Variants in LMF1 observed in about 807,000 individuals in gnomAD.
LMF1 encodes the protein lipase maturation factor 1, also known as transmembrane protein 112.
In LMF1, 68 loss-of-function variants were observed where a neutral mutation model predicts 60.6. The observed-to-expected ratio is 1.12, with a 90% CI of 0.92 to 1.37. The LOEUF (loss-of-function observed/expected upper bound fraction) is 1.37, where lower values mean the gene tolerates loss of function less well. Among genes scored for constraint, LMF1 ranks in the 40% most tolerant of loss-of-function variants. The pLI, the probability that LMF1 is intolerant of heterozygous loss-of-function variation, is 0.00. For synonymous variants in LMF1, 418 were observed against 324.7 expected (o/e 1.29, Z -3.09); for missense variants, 948 against 767.2 (o/e 1.24, Z -2.78).
intron 3 of LMF1, among the ~76,000 whole-genome samples, chr16:918,612 G>A (rs1258636347): frequency 6.6e-6 from 1 of 152,182 alleles, no homozygotes; most frequent in Non-Finnish European, 1.5e-5. Context: ...AAAAGTGCTG[G>A]CCATCGTGGG....
intron 4 of LMF1, chr16:904,058 G>C (rs2070901400): frequency 5.6e-6 from 1 of 178,232 alleles, no homozygotes; most frequent in Non-Finnish European, 1.0e-5. Context: ...CTGCGTGGTG[G>C]TGACCTCTGC....
At chr16:977,209 C>T (rs193011343) in intron 1 of LMF1, 2 of 416,736 alleles carry the variant, frequency 4.8e-6, no homozygotes, top group East Asian at 7.1e-5. Context: ...GCCAACAGGC[C>T]AGCCTTGACC....
chr16:886,190 A>C (rs1378047354), intron 5 of LMF1, among the ~76,000 whole-genome samples: 1 of 152,180 alleles, frequency 6.6e-6, no homozygotes, highest in African/African-American at 2.4e-5. Context: ...GGATCACACA[A>C]GCCAGTAAGG....
chr16:914,090 C>T (rs1055443925), intron 3 of LMF1, among the ~76,000 whole-genome samples: 3 of 152,106 alleles, frequency 2.0e-5, no homozygotes, highest in Admixed American at 6.5e-5. Context: ...GCTACACGCA[C>T]GGTCTTCTGA....
At chr16:946,375 C>T (rs1597048449) in intron 2 of LMF1, among the ~76,000 whole-genome samples, 1 of 152,306 alleles carries the variant, frequency 6.6e-6, no homozygotes, top group East Asian at 1.9e-4. Flanking sequence ...CAGCTCCAAG[C>T]AGGAGTGGAA....
intron 3 of LMF1, among the ~76,000 whole-genome samples, chr16:922,781 C>T (rs1254814938): frequency 8.8e-6 from 1 of 113,310 alleles, no homozygotes; most frequent in Non-Finnish European, 1.7e-5. Context: ...GTGTGAAAGT[C>T]GCCTGGGTTT....
At chr16:948,326 A>C (rs544965377) in intron 2 of LMF1, among the ~76,000 whole-genome samples, 1 of 151,782 alleles carries the variant, frequency 6.6e-6, no homozygotes, top group Non-Finnish European at 1.5e-5. Flanking sequence ...ACAGAGTCAG[A>C]GACAACGACA....
At chr16:934,522 C>A in intron 2 of LMF1, 2 of 483,044 alleles carry the variant, frequency 4.1e-6, no homozygotes. Context: ...ATGTATTTTG[C>A]GAATGAGTGA....
At chr16:872,615 AGGGCT>A (rs1349620797) in intron 6 of LMF1, 2 of 152,256 alleles carry the variant, frequency 1.3e-5, no homozygotes, top group East Asian at 3.9e-4. Flanking sequence ...GAGTGTGACC[AGGGCT>A]GGTCTGGGGT....
At chr16:932,377 C>T (rs372578041) in intron 3 of LMF1, among the ~76,000 whole-genome samples, 5 of 152,212 alleles carry the variant, frequency 3.3e-5, no homozygotes, top group African/African-American at 7.2e-5. Flanking sequence ...GAGCCTGCCC[C>T]GGCCTGCCCG....
intron 2 of LMF1, among the ~76,000 whole-genome samples, chr16:937,649 T>C (rs2071983528): frequency 6.6e-6 from 1 of 152,232 alleles, no homozygotes; most frequent in Non-Finnish European, 1.5e-5. Flanking sequence ...TTGCACTGGA[T>C]GGGGGCTCCC....
intron 1 of LMF1, among the ~76,000 whole-genome samples, chr16:978,201 C>T (rs1466044551): frequency 6.6e-6 from 1 of 151,272 alleles, no homozygotes; most frequent in Non-Finnish European, 1.5e-5. Context: ...ACATACATCA[C>T]ACACATCATA....
rs529450806 is a variant in LMF1, at chr16:885,298, G to A, written c.730-5561C>T. On this transcript the variant is annotated intron_variant, in intron 5 of 10. Coordinates refer to ENST00000262301, the MANE Select transcript of LMF1 (RefSeq NM_022773.4). ...CACAAAAATATTCAATTAATCCAGA[G>A]GAAGGTGTAAAATAACAGCAACAAA... 5.3e-5 allele frequency among the ~76,000 whole-genome samples: 8 copies of A among 152,300 alleles called. No homozygotes were observed. In the South Asian group the frequency reaches 8.3e-4, roughly 16 times the overall value.
At chr16:864,762 TTACAGGCATGCACCACCA>T (rs1445993907) in intron 10 of LMF1, among the ~76,000 whole-genome samples, 1 of 151,692 alleles carries the variant, frequency 6.6e-6, no homozygotes, top group African/African-American at 2.4e-5. Flanking sequence ...GTAGCTGGGA[TTACAGGCATGCACCACCA>T]TGCCTGGCTA....
chr16:877,169 A>C (rs1201751362), intron 6 of LMF1, among the ~76,000 whole-genome samples: 1 of 152,194 alleles, frequency 6.6e-6, no homozygotes, highest in African/African-American at 2.4e-5. Context: ...CCAGCTCTAC[A>C]AAAAATGAAA....
chr16:954,971 T>TCTAAGCAAACCAGACACACACAC (rs2072641607), intron 1 of LMF1, among the ~76,000 whole-genome samples: 1 of 84,066 alleles, frequency 1.2e-5, no homozygotes, highest in African/African-American at 6.2e-5. Flanking sequence ...CACACACACA[T>TCTAAGCAAACCAGACACACACAC]ATCTAAGTGA....
intron 1 of LMF1, among the ~76,000 whole-genome samples, chr16:956,310 C>A (rs2072703594): frequency 6.6e-6 from 1 of 150,938 alleles, no homozygotes; most frequent in Admixed American, 6.6e-5. Context: ...CTCACATCCT[C>A]TGGACGTCAG....
intron 4 of LMF1, among the ~76,000 whole-genome samples, chr16:905,723 C>T (rs1049394078): frequency 1.6e-4 from 25 of 152,030 alleles, no homozygotes; most frequent in African/African-American, 5.8e-4. Context: ...GTCATTTTCT[C>T]GGTGGTGTCT....
intron 5 of LMF1, among the ~76,000 whole-genome samples, chr16:880,732 C>T (rs953046854): frequency 2.0e-5 from 3 of 152,246 alleles, no homozygotes; most frequent in Non-Finnish European, 4.4e-5. Flanking sequence ...GAGAACACCC[C>T]ACTGGCAAAT....
Sources: gnomAD v4.1 joint callset for allele counts (sites outside exome capture counted in the v4.1 genomes callset) on GRCh38, gnomAD v4.1.1 for gene constraint, MANE v1.5 for transcripts, NCBI Gene and HGNC (gene_info 2026-07-23, HGNC 2026-07-21) for gene names.